Variants in FGFR1 observed in about 807,000 individuals in gnomAD.
The protein encoded by FGFR1 is FGFR1/PLAG1 fusion.
FGFR1 carries 18 observed loss-of-function variants against 93.7 expected under a neutral mutation model. The observed-to-expected ratio is 0.19, with a 90% confidence interval of 0.13 to 0.28. FGFR1 has a LOEUF of 0.28. Ranked by LOEUF, FGFR1 falls within the 10% of genes least tolerant of loss-of-function variation. The pLI is 1.00. For synonymous variants in FGFR1, 448 were observed against 429.3 expected, an observed-to-expected ratio of 1.04 and a Z score of -0.54; for missense variants, 731 against 1,080.4, an observed-to-expected ratio of 0.68 and a Z score of 4.53.
chr8:38,438,928 T>A (rs531214342), intron 2 of FGFR1, among the ~76,000 whole-genome samples: 1 of 152,296 alleles, frequency 6.6e-6, no homozygotes, highest in African/African-American at 2.4e-5. Flanking sequence ...TACCTTACAG[T>A]TGAGTGCTTT....
intron 2 of FGFR1, among the ~76,000 whole-genome samples, chr8:38,457,131 C>T (rs1833049272): frequency 6.6e-6 from 1 of 152,206 alleles, no homozygotes. Flanking sequence ...ATGGATGTCA[C>T]CAGCCTTCAT....
Position 38,413,683 on chromosome 8 carries a change from G to A in FGFR1, c.2414C>T (p.Pro805Leu), listed in dbSNP as rs2150506099. 6.2e-7 allele frequency: 1 copy of A among 1,613,576 alleles called. No homozygotes were observed. The highest frequency in any genetic ancestry group is 8.5e-7 in the Non-Finnish European group (1 of 1,179,840). Residue 805 changes from proline to leucine, a missense_variant, in exon 18 of 18, where the codon CCC (proline) becomes CTC (leucine). This residue lies in a region of FGFR1 where 79 missense variants were observed against 97.2 expected (regional missense o/e 0.81). Coordinates refer to ENST00000447712, the MANE Select transcript of FGFR1 (RefSeq NM_023110.3). The surrounding 1 kb of genome is among the most constrained non-coding windows in gnomAD (Gnocchi z 4.2). ...CTGGGCTGGGTGTCGGGGCAGGCAGGGCTCCTCGGGCAGCGGCTCATGAGA... is the reference window on the plus strand; with the variant it reads ...CTGGGCTGGGTGTCGGGGCAGGCAGAGCTCCTCGGGCAGCGGCTCATGAGA... ...VFSHEPLPEE[P>L]CLPRHPAQLA... is the part of the protein sequence containing the mutation.
chr8:38,459,168 C>T (rs1312398812), intron 1 of FGFR1, among the ~76,000 whole-genome samples: 3 of 152,304 alleles, frequency 2.0e-5, no homozygotes, highest in Non-Finnish European at 4.4e-5. Context: ...GTCAAGGCTA[C>T]GTGGGGGTGA....
rs374473310 is a variant in FGFR1, at chr8:38,413,943, C to T, written c.2267G>A (p.Arg756His). 2.0e-5 allele frequency: 32 copies of T among 1,613,850 alleles called. No individual in the cohort carries two copies. The highest frequency in any genetic ancestry group is 1.6e-4 in the Middle Eastern group (1 of 6,084). Residue 756 changes from arginine to histidine, a missense_variant, in exon 17 of 18, where the codon CGC becomes CAC. Transcript: ENST00000447712. The surrounding 1 kb of genome is among the most constrained non-coding windows in gnomAD (Gnocchi z 4.2). ...TFKQLVEDLD[R>H]IVALTSNQEY... ...CTGGTTGGAGGTCAAGGCCACGATG[C>T]GGTCCAGGTCTTCCACCAGCTGCTT...
rs966404017 is a variant in FGFR1 at position 38,411,381 on chromosome 8, C to T, written c.*2247G>A. The T allele has an allele frequency of 1.2e-4, 27 of 219,964 alleles. No individual in the cohort carries two copies. The East Asian group carries it at 1.5e-3, about 12-fold the overall frequency. 13.6% of individuals were successfully genotyped at this position (219,964 alleles called of 1,614,324 possible). ...TTTTACAAGGAAAGACACTCCTGTG[C>T]GGTCTCAAAGCAAATGCTTTTAAGA... On this transcript the variant is annotated 3_prime_UTR_variant, in exon 18 of 18. Transcript: ENST00000447712.
At chr8:38,448,516 C>G (rs531490636) in intron 2 of FGFR1, among the ~76,000 whole-genome samples, 1 of 152,064 alleles carries the variant, frequency 6.6e-6, no homozygotes, top group East Asian at 1.9e-4. Flanking sequence ...AGTGAGCCAC[C>G]GCGCCCAGCC....
chr8:38,413,110 C>T lies in FGFR1; in HGVS notation c.*518G>A, dbSNP rs1405406741. 2 of 239,958 alleles carry T rather than the reference C, an allele frequency of 8.3e-6. No individual in the cohort carries two copies. Among genetic ancestry groups the T allele is most frequent in the Non-Finnish European group, 1.6e-5 (2 of 122,062 alleles). 14.9% of individuals were successfully genotyped at this position (239,958 alleles called of 1,614,324 possible). A position where few individuals can be genotyped will look rare whatever the true frequency, so the allele number is the denominator to read the frequency against. On this transcript the variant is annotated 3_prime_UTR_variant, in exon 18 of 18. Coordinates refer to ENST00000447712, the MANE Select transcript of FGFR1 (RefSeq NM_023110.3). This position sits in a 1 kb window ranked among gnomAD's most constrained non-coding sequence, Gnocchi z 4.2. The stretch of plus-strand genomic sequence containing the variant: ...CCAGGCATTTGGTCAGCAAAGCAAA[C>T]TAGTATCGGAATTAATAAGCCACTG...
chr8:38,427,560 G>A lies in FGFR1; in HGVS notation c.621+361C>T, dbSNP rs937842756. Among the ~76,000 whole-genome samples, 12 of 152,270 alleles carry A rather than the reference G, an allele frequency of 7.9e-5. No individual in the cohort carries two copies. The South Asian group carries it at 8.3e-4, about 11-fold the overall frequency. ...CTCCCAAAGTGATAGGATTTTAGGC[G>A]TGAGCCACCATGCCCAGCCAAATTA... On this transcript the variant is annotated intron_variant, in intron 5 of 17. Coordinates refer to ENST00000447712, the MANE Select transcript of FGFR1 (RefSeq NM_023110.3).
chr8:38,417,775 A>G (rs1817235402), intron 11 of FGFR1, 95 bp downstream of exon 11: 1 of 1,587,780 alleles, frequency 6.3e-7, no homozygotes, highest in Non-Finnish European at 8.6e-7. Flanking sequence ...TGTGGGCAGC[A>G]AAGGCACCAG....
At chr8:38,430,395 A>C (rs1269390763) in intron 2 of FGFR1, 3 of 168,464 alleles carry the variant, frequency 1.8e-5, no homozygotes, top group Non-Finnish European at 1.3e-5. Context: ...ACCCTTCCCT[A>C]GCAACAGCTG....
At chr8:38,456,185 A>T (rs1028961152) in intron 2 of FGFR1, among the ~76,000 whole-genome samples, 1 of 151,824 alleles carries the variant, frequency 6.6e-6, no homozygotes, top group Non-Finnish European at 1.5e-5. Context: ...CGCACCTCCA[A>T]CCTTTCACCC....
chr8:38,414,759 G>A lies in FGFR1; in HGVS notation c.1977+20C>T, dbSNP rs1815747858. ...TCTCAGATGAAACCACCAGCACAGGGCGGCCTTGTCGGCACTCACGTTGGT... is the reference window on the plus strand; with the variant it reads ...TCTCAGATGAAACCACCAGCACAGGACGGCCTTGTCGGCACTCACGTTGGT... On this transcript the variant is annotated intron_variant, in intron 14 of 17. Transcript: ENST00000447712. The A allele has an allele frequency of 1.2e-6, 2 of 1,613,892 alleles. No individual in the cohort carries two copies. Among genetic ancestry groups the A allele is most frequent in the Admixed American group, 1.7e-5 (1 of 60,012 alleles).
intron 7 of FGFR1, chr8:38,422,753 CATTTGTA>C: frequency 2.4e-6 from 1 of 420,052 alleles, no homozygotes; most frequent in Non-Finnish European, 4.3e-6. Flanking sequence ...TCTGAAGTAC[CATTTGTA>C]ACACAGCAAA....
At position 38,413,960 on chromosome 8, in the gene FGFR1, C is replaced by T. The variant is rs1467059160; in HGVS notation, c.2250G>A (p.Leu750=). Residue 750 remains leucine, a synonymous_variant, in exon 17 of 18, where the codon CTG becomes CTA. Transcript: ENST00000447712. This position sits in a 1 kb window ranked among gnomAD's most constrained non-coding sequence, Gnocchi z 4.2. The part of the protein sequence containing the change: ...VPSQRPTFKQ[L]VEDLDRIVAL... Reference sequence around the variant, plus strand: ...CCACGATGCGGTCCAGGTCTTCCACCAGCTGCTTGAAGGTGGGTCTCTGTG... The same window carrying T: ...CCACGATGCGGTCCAGGTCTTCCACTAGCTGCTTGAAGGTGGGTCTCTGTG... The T allele has an allele frequency of 1.9e-6, 3 of 1,614,004 alleles. No individual in the cohort carries two copies. The highest frequency in any genetic ancestry group is 2.7e-5 in the African/African-American group (2 of 74,926).
At chr8:38,421,219 G>A (rs564876958) in intron 8 of FGFR1, among the ~76,000 whole-genome samples, 128 of 152,336 alleles carry the variant, frequency 8.4e-4, no homozygotes, top group African/African-American at 2.9e-3. Context: ...GACGGCAGCA[G>A]GCAAACAGGA....
chr8:38,450,486 C>A (rs1398107825), intron 2 of FGFR1, among the ~76,000 whole-genome samples: 2 of 152,156 alleles, frequency 1.3e-5, no homozygotes, highest in Admixed American at 6.5e-5. Flanking sequence ...GATAATGACT[C>A]CCCAGGACTC....
chr8:38,416,211 C>A (rs1016818787), intron 12 of FGFR1, 151 bp from the exon 13 acceptor site: 2 of 679,090 alleles, frequency 2.9e-6, no homozygotes, highest in African/African-American at 1.8e-5. Context: ...TTCTACTACC[C>A]AAAAAAAATC....
At chr8:38,464,777 T>A (rs1352180002) in intron 1 of FGFR1, among the ~76,000 whole-genome samples, 1 of 152,194 alleles carries the variant, frequency 6.6e-6, no homozygotes. Context: ...GAATCAATTC[T>A]AACTCCTTTT....
At chr8:38,421,511 G>A (rs371518435) in intron 8 of FGFR1, 6 of 496,440 alleles carry the variant, frequency 1.2e-5, no homozygotes, top group African/African-American at 5.8e-5. Flanking sequence ...TGGAGGAGTC[G>A]GGCTGCAGGG....
Sources: gnomAD v4.1 joint callset for allele counts (sites outside exome capture counted in the v4.1 genomes callset) on GRCh38, gnomAD v4.1.1 for gene constraint, gnomAD v4.1.1 regional missense constraint, Gnocchi (gnomAD v3.1) non-coding constraint, MANE v1.5 for transcripts, NCBI Gene and HGNC (gene_info 2026-07-23, HGNC 2026-07-21) for gene names.